Variants in RASSF6 observed in about 807,000 individuals in gnomAD.
RASSF6 encodes Ras association domain family member 6.
A neutral mutation model predicts 44.0 loss-of-function variants in RASSF6; 52 were observed. That is an observed-to-expected ratio of 1.18 (90% CI 0.95 to 1.49). RASSF6 has a LOEUF of 1.49. Among genes scored for constraint, RASSF6 ranks in the 40% most tolerant of loss-of-function variants. The pLI is 0.00. For synonymous variants in RASSF6, 162 were observed against 124.6 expected, an observed-to-expected ratio of 1.30 and a Z score of -2.00; for missense variants, 464 against 393.3, an observed-to-expected ratio of 1.18 and a Z score of -1.52.
chr4:73,605,455 A>C (rs1279924211), intron 2 of RASSF6, among the ~76,000 whole-genome samples: 1 of 152,206 alleles, frequency 6.6e-6, no homozygotes, highest in African/African-American at 2.4e-5. Flanking sequence ...TAAAATTACA[A>C]GTTTTGGCTC....
At chr4:73,619,444 G>A (rs888118142) in intron 1 of RASSF6, among the ~76,000 whole-genome samples, 3 of 152,180 alleles carry the variant, frequency 2.0e-5, no homozygotes, top group Non-Finnish European at 2.9e-5. Context: ...AATACACACT[G>A]TCTGGTCTCC....
chr4:73,573,144 T>G lies in RASSF6; in HGVS notation c.*3091A>C, dbSNP rs1039632685. The G allele has an allele frequency of 2.0e-5, 3 of 151,666 alleles. No individual in the cohort carries two copies. The highest frequency in any genetic ancestry group is 4.8e-5 in the African/African-American group (2 of 41,342). 9.4% of individuals were successfully genotyped at this position (151,666 alleles called of 1,614,324 possible). Reference sequence around the variant, plus strand: ...GTTTATTTCCCTCTTTTTTTTTTTTTAGAGACGGAGTCTTGCTCTGTCGTC... The same window carrying G: ...GTTTATTTCCCTCTTTTTTTTTTTTGAGAGACGGAGTCTTGCTCTGTCGTC... On this transcript the variant is annotated 3_prime_UTR_variant, in exon 11 of 11. Coordinates refer to ENST00000307439, the MANE Select transcript of RASSF6 (RefSeq NM_177532.5).
At chr4:73,593,620 A>G in intron 3 of RASSF6, 27 bp from the exon 4 acceptor site, 1 of 1,519,608 alleles carries the variant, frequency 6.6e-7, no homozygotes, top group Non-Finnish European at 8.9e-7. Flanking sequence ...TAATCCCCCA[A>G]TTGTTTTTGT....
At chr4:73,597,886 G>T (rs1477819074) in intron 3 of RASSF6, among the ~76,000 whole-genome samples, 2 of 152,282 alleles carry the variant, frequency 1.3e-5, no homozygotes, top group South Asian at 2.1e-4. Context: ...AATACTGTTT[G>T]CTTTCACTTA....
chr4:73,577,835 A>T (rs1723335200), intron 8 of RASSF6, among the ~76,000 whole-genome samples: 2 of 152,198 alleles, frequency 1.3e-5, no homozygotes, highest in Non-Finnish European at 2.9e-5. Flanking sequence ...GATGATTATT[A>T]AAAATGCATA....
In RASSF6 at chr4:73,588,639, T is replaced by TA. The variant is rs575309785; in HGVS notation, c.288-706dup. 3.7e-4 allele frequency among the ~76,000 whole-genome samples: 56 copies of TA among 152,070 alleles called. No homozygotes were observed. In the South Asian group the frequency reaches 0.011, roughly 30 times the overall value. On this transcript the variant is annotated intron_variant, in intron 4 of 10. Transcript: ENST00000307439. ...TGTGCCTGTGTCCTCATCTGTAAAA[T>TA]AAAAATGATAATAGCATGAGGTAGG...
At chr4:73,589,114 T>C (rs187574575) in intron 4 of RASSF6, among the ~76,000 whole-genome samples, 258 of 152,298 alleles carry the variant, frequency 1.7e-3, no homozygotes, top group African/African-American at 6.0e-3. Context: ...ATGGCTACTA[T>C]ATCATTTGAG....
chr4:73,583,175 C>T (rs187172158), intron 6 of RASSF6, among the ~76,000 whole-genome samples: 343 of 152,152 alleles, frequency 2.3e-3, no homozygotes, highest in Non-Finnish European at 3.9e-3. Context: ...TAAATGCCCA[C>T]GAACTCCAAC....
chr4:73,607,149 CAG>C (rs1178757151), intron 2 of RASSF6, among the ~76,000 whole-genome samples: 1 of 152,230 alleles, frequency 6.6e-6, no homozygotes, highest in African/African-American at 2.4e-5. Flanking sequence ...ACACTAAATC[CAG>C]AGTATGTAGA....
chr4:73,588,783 G>GTCA lies in RASSF6; in HGVS notation c.288-852_288-850dup, dbSNP rs71217483. Among the ~76,000 whole-genome samples, 1,134 of 148,656 alleles carry GTCA rather than the reference G, an allele frequency of 7.6e-3. 10 individuals carry two copies. Among genetic ancestry groups the GTCA allele is most frequent in the African/African-American group, 0.016 (663 of 40,312 alleles). On this transcript the variant is annotated intron_variant, in intron 4 of 10. Coordinates refer to ENST00000307439, the MANE Select transcript of RASSF6 (RefSeq NM_177532.5). ...AATTATAATTATCCTCATCTCCATT[G>GTCA]TCATCATCATCATCATCATCATCAT...
Position 73,611,841 on chromosome 4 carries a change from A to G in RASSF6, c.-34-12T>C, listed in dbSNP as rs1461509794. ...GGTCTGAGGATATCCTAAACATGAGAATAATATTAATGATTTGTTCCTATA... is the reference window on the plus strand; with the variant it reads ...GGTCTGAGGATATCCTAAACATGAGGATAATATTAATGATTTGTTCCTATA... On this transcript the variant is annotated splice_polypyrimidine_tract_variant and intron_variant, in intron 1 of 10. Transcript: ENST00000307439. The G allele has an allele frequency of 4.6e-6, 7 of 1,512,552 alleles. No individual in the cohort carries two copies. The East Asian group carries it at 1.6e-4, about 34-fold the overall frequency. The allele number at this position is 1,512,552 out of a possible 1,614,324, so 93.7% of individuals were successfully genotyped here.
rs1359643863 is a variant in RASSF6, at chr4:73,576,283, C to T, written c.966G>A (p.Leu322=). Residue 322 remains leucine, a synonymous_variant, in exon 11 of 11, where the codon CTG becomes CTA. Coordinates refer to ENST00000307439, the MANE Select transcript of RASSF6 (RefSeq NM_177532.5). ...TTACTAGTTTATTTTGAAGACATTT[C>T]AGTATAATCGCCTTTTCTTTATTGA... is the stretch of plus-strand genomic sequence containing the variant. The part of the protein sequence containing the change: ...TKFNKEKAII[L]KCLQNKLVIK... The T allele has an allele frequency of 1.9e-6, 3 of 1,563,774 alleles. No homozygotes were observed. The highest frequency in any genetic ancestry group is 2.6e-6 in the Non-Finnish European group (3 of 1,138,438).
At chr4:73,594,987 T>C (rs1180218596) in intron 3 of RASSF6, among the ~76,000 whole-genome samples, 1 of 152,204 alleles carries the variant, frequency 6.6e-6, no homozygotes, top group Admixed American at 6.5e-5. Flanking sequence ...ATTAATTGAT[T>C]AATTAACCAA....
chr4:73,617,531 C>G (rs1383982678), intron 1 of RASSF6, among the ~76,000 whole-genome samples: 1 of 152,144 alleles, frequency 6.6e-6, no homozygotes, highest in African/African-American at 2.4e-5. Context: ...GCTGACGTCA[C>G]AAAGATCACG....
chr4:73,589,604 T>G (rs1485796335), intron 4 of RASSF6, among the ~76,000 whole-genome samples: 1 of 152,112 alleles, frequency 6.6e-6, no homozygotes, highest in Non-Finnish European at 1.5e-5. Context: ...TTCTACCATC[T>G]ACAGCAGAAA....
rs561748881 is a variant in RASSF6, at chr4:73,593,464, A to G, written c.274T>C (p.Phe92Leu). 6.2e-7 allele frequency: 1 copy of G among 1,604,730 alleles called. No homozygotes were observed. Among genetic ancestry groups the G allele is most frequent in the Admixed American group, 1.7e-5 (1 of 57,532 alleles). ...AAGATAGCTTACCCTTTGCTGGAGA[A>G]GACGTCTGATGACTTCATACTAGTA... ...SFTSMKSSDVFSSKGMTRWGE... is the reference protein window; with the variant it reads ...SFTSMKSSDVLSSKGMTRWGE... Residue 92 changes from phenylalanine to leucine, a missense_variant, in exon 4 of 11, where the codon TTC (phenylalanine) becomes CTC (leucine). Phe to Leu is a conservative substitution (Grantham distance 22). Transcript: ENST00000307439.
rs914265766 is a variant in RASSF6, at chr4:73,573,299, T to C, written c.*2936A>G. ...CTGCCATTGCACCCGGCTCATTTTT[T>C]GTATTTTTAGTAGAGGCAGGGTTTC... On this transcript the variant is annotated 3_prime_UTR_variant, in exon 11 of 11. Coordinates refer to ENST00000307439, the MANE Select transcript of RASSF6 (RefSeq NM_177532.5). 5 of 152,128 alleles carry C rather than the reference T, an allele frequency of 3.3e-5. No individual in the cohort carries two copies. Among genetic ancestry groups the C allele is most frequent in the African/African-American group, 1.2e-4 (5 of 41,406 alleles). 9.4% of individuals were successfully genotyped at this position (152,128 alleles called of 1,614,324 possible). A position where few individuals can be genotyped will look rare whatever the true frequency, so the allele number is the denominator to read the frequency against.
At chr4:73,582,401 A>T (rs1723735131) in intron 6 of RASSF6, 111 bp from the exon 7 acceptor site, 3 of 476,022 alleles carry the variant, frequency 6.3e-6, no homozygotes, top group African/African-American at 4.1e-5. Flanking sequence ...TCATTAATTT[A>T]AAAAATTTGT....
At chr4:73,602,908 G>A (rs1269061595) in intron 2 of RASSF6, among the ~76,000 whole-genome samples, 1 of 152,108 alleles carries the variant, frequency 6.6e-6, no homozygotes, top group Admixed American at 6.5e-5. Context: ...ATAACACGGT[G>A]AAACCCCGTC....
Sources: allele counts gnomAD v4.1 joint callset (sites outside exome capture counted in the v4.1 genomes callset), GRCh38; gene constraint gnomAD v4.1.1; transcripts MANE v1.5; gene names NCBI Gene and HGNC (gene_info 2026-07-23, HGNC 2026-07-21).